The following XIRP2 variants were observed in gnomAD, a reference collection of about 807,000 sequenced individuals.
XIRP2 encodes xin actin binding repeat containing 2, also known as xin actin-binding repeat-containing protein 2.
Under a neutral mutation model 277.0 loss-of-function variants are expected in XIRP2, and 236 were observed. The observed-to-expected ratio is 0.85, with a 90% CI of 0.77 to 0.95. The LOEUF (loss-of-function observed/expected upper bound fraction) is 0.95. Among genes scored for constraint, XIRP2 ranks in the 40% least tolerant of loss-of-function variants. XIRP2 has a pLI of 0.00. For synonymous variants in XIRP2, 1,490 were observed against 1,416.5 expected (o/e 1.05, Z -1.17); for missense variants, 4,640 against 4,157.5 (o/e 1.12, Z -3.19).
chr2:167,246,002 T>G lies in XIRP2; in HGVS notation c.4610T>G (p.Phe1537Cys), dbSNP rs769949133. 3.7e-6 allele frequency: 6 copies of G among 1,613,172 alleles called. No homozygotes were observed. Among genetic ancestry groups the G allele is most frequent in the Admixed American group, 1.7e-5 (1 of 59,894 alleles). The change falls in exon 9 of 11, where the codon TTT becomes TGT. Residue 1537 changes from phenylalanine to cysteine, a missense_variant. Transcript: ENST00000409195. ...TTTGAAACAACACCACTTCATGAAT[T>G]TAATGAAACTAGAGTAGAAAAGATA... ...WLFETTPLHE[F>C]NETRVEKIEI... is the part of the protein sequence containing the mutation.
At position 167,243,726 on chromosome 2, in the gene XIRP2, G is replaced by A. The variant is rs191792139; in HGVS notation, c.2334G>A (p.Pro778=). ...RTARWMFETQ[P]LDTINKDITE... ...CACGGTGGATGTTTGAAACACAGCC[G>A]TTGGACACAATTAACAAAGATATCA... Residue 778 remains proline (P), a synonymous_variant, in exon 9 of 11, where the codon CCG becomes CCA. Coordinates refer to ENST00000409195, the MANE Select transcript of XIRP2 (RefSeq NM_152381.6). 5.6e-5 allele frequency: 91 copies of A among 1,613,966 alleles called. No homozygotes were observed. The highest frequency in any genetic ancestry group is 1.7e-4 in the African/African-American group (13 of 75,014).
chr2:167,095,124 T>C (rs972275510), intron 2 of XIRP2, among the ~76,000 whole-genome samples: 10 of 152,230 alleles, frequency 6.6e-5, no homozygotes, highest in Admixed American at 6.5e-4. Context: ...TTGTCTATTA[T>C]TGATGTATAG....
At chr2:166,899,345 T>C (rs1684319446) in intron 1 of XIRP2, among the ~76,000 whole-genome samples, 1 of 152,124 alleles carries the variant, frequency 6.6e-6, no homozygotes, top group African/African-American at 2.4e-5. Context: ...TCCACACATA[T>C]TGAGAATATC....
chr2:167,057,993 C>A, intron 2 of XIRP2, among the ~76,000 whole-genome samples: 1 of 147,820 alleles, frequency 6.8e-6, no homozygotes, highest in South Asian at 2.2e-4. Context: ...TAGGGCTTCC[C>A]GTTATGCATG....
chr2:167,158,898 C>T (rs890801169), intron 3 of XIRP2, among the ~76,000 whole-genome samples: 6 of 151,874 alleles, frequency 4.0e-5, no homozygotes, highest in Non-Finnish European at 5.9e-5. Context: ...AGACGATTGG[C>T]TACAAAGGGA....
In XIRP2 at chr2:167,243,731, A is replaced by G; in HGVS notation, c.2339A>G (p.Asp780Gly). The change falls in exon 9 of 11, where the codon GAC (aspartate) becomes GGC (glycine). Residue 780 changes from aspartate (D) to glycine (G), a missense_variant. Asp to Gly is a moderately conservative substitution (Grantham distance 94). Transcript: ENST00000409195. ...ARWMFETQPL[D>G]TINKDITEIK... Reference sequence around the variant, plus strand: ...TGGATGTTTGAAACACAGCCGTTGGACACAATTAACAAAGATATCACAGAA... The same window carrying G: ...TGGATGTTTGAAACACAGCCGTTGGGCACAATTAACAAAGATATCACAGAA... 6.2e-7 allele frequency: 1 copy of G among 1,614,054 alleles called. No individual in the cohort carries two copies. Among genetic ancestry groups the G allele is most frequent in the Non-Finnish European group, 8.5e-7 (1 of 1,179,958 alleles).
chr2:167,164,631 C>T (rs1215850291), intron 3 of XIRP2, among the ~76,000 whole-genome samples: 1 of 152,098 alleles, frequency 6.6e-6, no homozygotes, highest in African/African-American at 2.4e-5. Flanking sequence ...CTCAAATTTA[C>T]TCCATGAATA....
At chr2:167,120,508 G>A (rs992746924) in intron 2 of XIRP2, among the ~76,000 whole-genome samples, 2 of 152,058 alleles carry the variant, frequency 1.3e-5, no homozygotes, top group African/African-American at 2.4e-5. Context: ...ATAATTATTC[G>A]AATGATCACT....
Position 167,246,113 on chromosome 2 carries a change from C to G in XIRP2, c.4721C>G (p.Ala1574Gly). ...VIQAPGIIIEADEIGDVRMAK... is the reference protein window; with the variant it reads ...VIQAPGIIIEGDEIGDVRMAK... Reference sequence around the variant, plus strand: ...CAGGCTCCTGGAATCATCATTGAAGCTGATGAAATAGGGGATGTTCGAATG... The same window carrying G: ...CAGGCTCCTGGAATCATCATTGAAGGTGATGAAATAGGGGATGTTCGAATG... Residue 1574 changes from alanine to glycine, a missense_variant, in exon 9 of 11, where the codon GCT (alanine) becomes GGT (glycine). By Grantham distance (60) the Ala-to-Gly change is moderately conservative. Transcript: ENST00000409195. 1 of 1,613,536 alleles carries G rather than the reference C, an allele frequency of 6.2e-7. No individual in the cohort carries two copies. The highest frequency in any genetic ancestry group is 8.5e-7 in the Non-Finnish European group (1 of 1,179,738).
In XIRP2 at chr2:167,082,627, T is replaced by C. The variant is rs180891594; in HGVS notation, c.409-53282T>C. ...CACCTATTGTTTCCTGACTTTTTAA[T>C]GATTGCCATTCCAACTGGTGTGAGA... is the stretch of plus-strand genomic sequence containing the variant. On this transcript the variant is annotated intron_variant, in intron 2 of 10. Transcript: ENST00000409195. Among the ~76,000 whole-genome samples the C allele has an allele frequency of 4.1e-4, 63 of 152,360 alleles. 1 individual carries two copies. In the East Asian group the frequency reaches 0.011, roughly 26 times the overall value.
chr2:166,961,217 T>A (rs1686288505), intron 2 of XIRP2, among the ~76,000 whole-genome samples: 1 of 151,402 alleles, frequency 6.6e-6, no homozygotes, highest in African/African-American at 2.4e-5. Flanking sequence ...TCTTTTAGAG[T>A]TTTTTCTTCC....
At chr2:167,085,943 T>C (rs1384951871) in intron 2 of XIRP2, among the ~76,000 whole-genome samples, 2 of 152,168 alleles carry the variant, frequency 1.3e-5, no homozygotes, top group Non-Finnish European at 2.9e-5. Flanking sequence ...CCCATTTACA[T>C]TTAAAGTTAA....
At chr2:167,173,710 G>A (rs1290435454) in intron 3 of XIRP2, among the ~76,000 whole-genome samples, 2 of 152,106 alleles carry the variant, frequency 1.3e-5, no homozygotes, top group African/African-American at 4.8e-5. Flanking sequence ...ACCCCAAACT[G>A]TTCTCCATAG....
intron 2 of XIRP2, among the ~76,000 whole-genome samples, chr2:166,986,127 G>A (rs10930259): frequency 0.037 from 5,601 of 152,226 alleles, 116 homozygotes; most frequent in East Asian, 0.06. Flanking sequence ...TGGAAATAAG[G>A]GCGCCACTTC....
intron 3 of XIRP2, among the ~76,000 whole-genome samples, chr2:167,178,384 T>G (rs1461779257): frequency 6.6e-6 from 1 of 152,160 alleles, no homozygotes; most frequent in East Asian, 1.9e-4. Flanking sequence ...TAGCTTGGAA[T>G]ATATTTTGAA....
chr2:167,177,793 G>A (rs757290154), intron 3 of XIRP2, among the ~76,000 whole-genome samples: 1 of 152,082 alleles, frequency 6.6e-6, no homozygotes, highest in African/African-American at 2.4e-5. Context: ...GCCCTTTAGA[G>A]GGCATTTGTC....
intron 2 of XIRP2, among the ~76,000 whole-genome samples, chr2:166,937,818 T>C (rs1685563905): frequency 6.6e-6 from 1 of 152,196 alleles, no homozygotes; most frequent in South Asian, 2.1e-4. Flanking sequence ...CCTGGTTTAG[T>C]GTTGGGAGGG....
chr2:167,169,832 C>T (rs1692632702), intron 3 of XIRP2, among the ~76,000 whole-genome samples: 1 of 152,102 alleles, frequency 6.6e-6, no homozygotes, highest in Admixed American at 6.6e-5. Context: ...AATTTTTGGA[C>T]ATTGTTGAAT....
rs190356558 is a variant in XIRP2, at chr2:167,065,950, A to C, written c.409-69959A>C. Among the ~76,000 whole-genome samples the C allele has an allele frequency of 2.1e-4, 32 of 152,118 alleles. No individual in the cohort carries two copies. In the East Asian group the frequency reaches 5.6e-3, roughly 27 times the overall value. ...AAAATAGCTTTATTGAAACTTAAAA[A>C]GCAGTACACACTTACACACTTAATG... On this transcript the variant is annotated intron_variant, in intron 2 of 10. Coordinates refer to ENST00000409195, the MANE Select transcript of XIRP2 (RefSeq NM_152381.6).
Sources: allele counts gnomAD v4.1 joint callset (sites outside exome capture counted in the v4.1 genomes callset), GRCh38; gene constraint gnomAD v4.1.1; transcripts MANE v1.5; gene names NCBI Gene and HGNC (gene_info 2026-07-23, HGNC 2026-07-21).